PAQR7: variants seen among roughly 807,000 people sequenced by gnomAD.
The protein encoded by PAQR7 is progestin and adipoQ receptor family member 7.
Under a neutral mutation model 24.6 loss-of-function variants are expected in PAQR7, and 14 were observed. That is an observed-to-expected ratio of 0.57 (90% CI 0.38 to 0.89). The LOEUF (loss-of-function observed/expected upper bound fraction) is 0.89, where lower values mean the gene tolerates loss of function less well. Among genes scored for constraint, PAQR7 ranks in the 40% least tolerant of loss-of-function variants. The probability of loss-of-function intolerance (pLI) is 0.00; values close to 1 mark genes in which losing one functional copy is unlikely to be tolerated. For missense variants in PAQR7, 351 were observed against 444.0 expected, an observed-to-expected ratio of 0.79 and a Z score of 1.88; for synonymous variants, 189 against 198.8, an observed-to-expected ratio of 0.95 and a Z score of 0.42.
At chr1:25,864,638 G>A (rs978961689) in intron 2 of PAQR7, among the ~76,000 whole-genome samples, 1 of 152,036 alleles carries the variant, frequency 6.6e-6, no homozygotes, top group African/African-American at 2.4e-5. Context: ...CAGGAGGATT[G>A]CTTGGGGCCA....
chr1:25,873,359 T>C (rs934428067), intron 1 of PAQR7, among the ~76,000 whole-genome samples: 5 of 152,172 alleles, frequency 3.3e-5, no homozygotes, highest in Non-Finnish European at 4.4e-5. Flanking sequence ...GACCACAGAT[T>C]ATACAGGCAA....
chr1:25,862,464 T>A lies in PAQR7; in HGVS notation c.*335A>T, dbSNP rs952125493. On this transcript the variant is annotated 3_prime_UTR_variant, in exon 3 of 3. Transcript: ENST00000675840. The stretch of plus-strand genomic sequence containing the variant: ...TCTGGCCTAAGTTTCACCTCCTGCC[T>A]AGACAATCTAGAAGCCCCAATCCTC... 1.9e-5 allele frequency: 5 copies of A among 267,324 alleles called. No homozygotes were observed. The highest frequency in any genetic ancestry group is 2.9e-5 in the Non-Finnish European group (4 of 139,366). The allele number at this position is 267,324 out of a possible 1,614,324, so 16.6% of individuals were successfully genotyped here.
chr1:25,867,531 C>T (rs2048567646), intron 2 of PAQR7, among the ~76,000 whole-genome samples: 2 of 152,298 alleles, frequency 1.3e-5, no homozygotes, highest in South Asian at 4.1e-4. Context: ...TCCCTCCAAG[C>T]TTACTTATTG....
rs7339978 is a variant in PAQR7 at position 25,862,189 on chromosome 1, A to C, written c.*610T>G. 1 of 152,690 alleles carries C rather than the reference A, an allele frequency of 6.5e-6. No homozygotes were observed. Among genetic ancestry groups the C allele is most frequent in the South Asian group, 2.1e-4 (1 of 4,848 alleles). The allele number at this position is 152,690 out of a possible 1,614,324, so 9.5% of individuals were successfully genotyped here. A position where few individuals can be genotyped will look rare whatever the true frequency, so the allele number is the denominator to read the frequency against. ...ACAGGCCGTGTGGGACACAGAAGCC[A>C]GAGCTAGGAGATCTGGGGCTCACTG... On this transcript the variant is annotated 3_prime_UTR_variant, in exon 3 of 3. Coordinates refer to ENST00000675840, the MANE Select transcript of PAQR7 (RefSeq NM_178422.6).
intron 1 of PAQR7, among the ~76,000 whole-genome samples, chr1:25,874,319 A>G (rs901892760): frequency 3.9e-5 from 6 of 152,062 alleles, no homozygotes; most frequent in African/African-American, 7.3e-5. Context: ...CGCTGGGATT[A>G]TAAGTGTGAG....
intron 2 of PAQR7, among the ~76,000 whole-genome samples, chr1:25,869,041 GCCTTGAACC>G (rs2048581804): frequency 6.6e-6 from 1 of 151,670 alleles, no homozygotes; most frequent in Non-Finnish European, 1.5e-5. Context: ...GCAGGAGAAG[GCCTTGAACC>G]CGGGAGGCGG....
In PAQR7 at chr1:25,862,913, C is replaced by T. The variant is rs146789461; in HGVS notation, c.927G>A (p.Thr309=). The T allele has an allele frequency of 5.6e-6, 9 of 1,614,172 alleles. No homozygotes were observed. The Middle Eastern group carries it at 5.0e-4, about 89-fold the overall frequency. ...GGCCAGAAAAGTTGTGAGGCCAGTG[C>T]GTGTGCAGAGGCTCATAGATGGGCC... is the stretch of plus-strand genomic sequence containing the variant. The part of the protein sequence containing the change: ...ARRPIYEPLH[T]HWPHNFSGLF... Residue 309 remains threonine, a synonymous_variant, in exon 3 of 3, where the codon ACG becomes ACA. Coordinates refer to ENST00000675840, the MANE Select transcript of PAQR7 (RefSeq NM_178422.6).
In PAQR7 at chr1:25,863,018, G is replaced by C. The variant is rs754763290; in HGVS notation, c.822C>G (p.Gly274=). Residue 274 remains glycine (G), a synonymous_variant, in exon 3 of 3, where the codon GGC becomes GGG. Transcript: ENST00000675840. The surrounding 1 kb of genome is among the most constrained non-coding windows in gnomAD (Gnocchi z 6.1). The part of the protein sequence containing the change: ...FPGSCHVFGQ[G]HQLFHIFLVL... ...CCAAGAAGATGTGGAAAAGTTGGTG[G>C]CCCTGCCCGAAGACATGGCAGCTGC... is the stretch of plus-strand genomic sequence containing the variant. 1.2e-5 allele frequency: 19 copies of C among 1,614,172 alleles called. No individual in the cohort carries two copies. The East Asian group carries it at 4.2e-4, about 36-fold the overall frequency.
intron 1 of PAQR7, among the ~76,000 whole-genome samples, chr1:25,874,381 C>T (rs1287133804): frequency 6.6e-6 from 1 of 152,168 alleles, no homozygotes; most frequent in Non-Finnish European, 1.5e-5. Flanking sequence ...TTCTGTGGAG[C>T]TGAGACTTAC....
rs1256331333 is a variant in PAQR7 at position 25,863,607 on chromosome 1, T to G, written c.233A>C (p.His78Pro). Residue 78 changes from histidine (H) to proline (P), a missense_variant, in exon 3 of 3, where the codon CAC becomes CCC. His to Pro is a moderately conservative substitution (Grantham distance 77). Coordinates refer to ENST00000675840, the MANE Select transcript of PAQR7 (RefSeq NM_178422.6). This position sits in a 1 kb window ranked among gnomAD's most constrained non-coding sequence, Gnocchi z 6.1. ...CAGCAGTACCAGGGCCGCCAGCAGGTGGGTCCAGACATTCACGGCCTCGTT... is the reference window on the plus strand; with the variant it reads ...CAGCAGTACCAGGGCCGCCAGCAGGGGGGTCCAGACATTCACGGCCTCGTT... The part of the protein sequence containing the change: ...QHNEAVNVWT[H>P]LLAALVLLLR... The G allele has an allele frequency of 6.2e-7, 1 of 1,613,950 alleles. No individual in the cohort carries two copies. The highest frequency in any genetic ancestry group is 1.3e-5 in the African/African-American group (1 of 74,886).
chr1:25,863,639 C>A lies in PAQR7; in HGVS notation c.201G>T (p.Gln67His). ...TWRFYFRTLF[Q>H]QHNEAVNVWT... ...AGACATTCACGGCCTCGTTGTGCTGCTGGAACAGCGTGCGGAAATAGAAGC... is the reference window on the plus strand; with the variant it reads ...AGACATTCACGGCCTCGTTGTGCTGATGGAACAGCGTGCGGAAATAGAAGC... The change falls in exon 3 of 3, where the codon CAG becomes CAT. Residue 67 changes from glutamine (Q) to histidine (H), a missense_variant. By Grantham distance (24) the Gln-to-His change is conservative. Coordinates refer to ENST00000675840, the MANE Select transcript of PAQR7 (RefSeq NM_178422.6). The surrounding 1 kb of genome is among the most constrained non-coding windows in gnomAD (Gnocchi z 6.1). The A allele has an allele frequency of 2.5e-6, 4 of 1,614,180 alleles. No homozygotes were observed. Among genetic ancestry groups the A allele is most frequent in the Non-Finnish European group, 2.5e-6 (3 of 1,180,006 alleles).
At chr1:25,870,242 C>T (rs113573470) in intron 2 of PAQR7, among the ~76,000 whole-genome samples, 189 of 152,300 alleles carry the variant, frequency 1.2e-3, no homozygotes, top group Non-Finnish European at 2.0e-3. Flanking sequence ...CCCAGCCCAC[C>T]TCCATGGGCC....
In PAQR7 at chr1:25,862,232, A is replaced by G. The variant is rs2048517312; in HGVS notation, c.*567T>C. 6.5e-6 allele frequency: 1 copy of G among 153,080 alleles called. No individual in the cohort carries two copies. 9.5% of individuals were successfully genotyped at this position (153,080 alleles called of 1,614,324 possible). Reference sequence around the variant, plus strand: ...GCTCACTGTCTGGGATAGTGACTGAAGGAGTATGAAGCACTGGATGGGACC... The same window carrying G: ...GCTCACTGTCTGGGATAGTGACTGAGGGAGTATGAAGCACTGGATGGGACC... On this transcript the variant is annotated 3_prime_UTR_variant, in exon 3 of 3. Coordinates refer to ENST00000675840, the MANE Select transcript of PAQR7 (RefSeq NM_178422.6).
chr1:25,866,083 G>T (rs555887991), intron 2 of PAQR7, among the ~76,000 whole-genome samples: 1 of 150,970 alleles, frequency 6.6e-6, no homozygotes, highest in East Asian at 1.9e-4. Flanking sequence ...CTTTTTTCCT[G>T]AAAGTCCCCA....
rs546539900 is a variant in PAQR7 at position 25,863,153 on chromosome 1, G to A, written c.687C>T (p.Ser229=). Residue 229 remains serine (S), a synonymous_variant, in exon 3 of 3, where the codon TCC becomes TCT. Coordinates refer to ENST00000675840, the MANE Select transcript of PAQR7 (RefSeq NM_178422.6). The surrounding 1 kb of genome is among the most constrained non-coding windows in gnomAD (Gnocchi z 6.1). ...SPVVHRIFVS[S]DPTTDDPALL... is the part of the protein sequence containing the mutation. ...GAGCTGGATCATCCGTGGTGGGGTCGGAGGACACGAAGATACGATGCACCA... is the reference window on the plus strand; with the variant it reads ...GAGCTGGATCATCCGTGGTGGGGTCAGAGGACACGAAGATACGATGCACCA... 1.8e-5 allele frequency: 29 copies of A among 1,614,180 alleles called. No homozygotes were observed. Among genetic ancestry groups the A allele is most frequent in the East Asian group, 4.5e-5 (2 of 44,882 alleles).
intron 1 of PAQR7, among the ~76,000 whole-genome samples, chr1:25,874,907 T>G (rs1275901607): frequency 6.6e-6 from 1 of 152,168 alleles, no homozygotes; most frequent in East Asian, 1.9e-4. Flanking sequence ...AGTGCCCCTC[T>G]TGGCCCCCAG....
At position 25,863,849 on chromosome 1, in the gene PAQR7, C is replaced by A. The variant is rs755458478; in HGVS notation, c.-10G>T. The A allele has an allele frequency of 3.7e-6, 6 of 1,604,556 alleles. No homozygotes were observed. Among genetic ancestry groups the A allele is most frequent in the Non-Finnish European group, 5.1e-6 (6 of 1,175,198 alleles). On this transcript the variant is annotated 5_prime_UTR_variant, in exon 3 of 3. Transcript: ENST00000675840. This position sits in a 1 kb window ranked among gnomAD's most constrained non-coding sequence, Gnocchi z 6.1. ...TCTGGGCCATGGCCATGGCTGTGGG[C>A]CTGGGCAGGGAGCTGGGAGAGAGAC...
At chr1:25,868,047 G>T (rs1269912778) in intron 2 of PAQR7, among the ~76,000 whole-genome samples, 2 of 152,234 alleles carry the variant, frequency 1.3e-5, no homozygotes, top group Admixed American at 1.3e-4. Context: ...TGGTTGGGGA[G>T]CCAGTTCTGG....
intron 2 of PAQR7, among the ~76,000 whole-genome samples, chr1:25,869,575 A>G (rs929509567): frequency 6.6e-6 from 1 of 151,758 alleles, no homozygotes; most frequent in South Asian, 2.1e-4. Flanking sequence ...CTCTAAAAAA[A>G]AAAAAAAAGA....
Sources: allele counts gnomAD v4.1 joint callset (sites outside exome capture counted in the v4.1 genomes callset), GRCh38; gene constraint gnomAD v4.1.1; non-coding constraint Gnocchi (gnomAD v3.1); transcripts MANE v1.5; gene names NCBI Gene and HGNC (gene_info 2026-07-23, HGNC 2026-07-21).